Variants in KIAA0232 observed in about 807,000 individuals in gnomAD.
KIAA0232 encodes uncharacterized protein KIAA0232.
A neutral mutation model predicts 122.0 loss-of-function variants in KIAA0232; 27 were observed. That is an observed-to-expected ratio of 0.22 (90% CI 0.16 to 0.31). The LOEUF is 0.31. Among genes scored for constraint, KIAA0232 ranks in the 10% least tolerant of loss-of-function variants. The pLI is 1.00. For synonymous variants in KIAA0232, 613 were observed against 587.6 expected (o/e 1.04, Z -0.63); for missense variants, 1,551 against 1,634.2 (o/e 0.95, Z 0.88).
intron 1 of KIAA0232, among the ~76,000 whole-genome samples, chr4:6,791,586 C>T (rs1464446275): frequency 1.3e-5 from 2 of 152,056 alleles, no homozygotes; most frequent in African/African-American, 4.8e-5. Context: ...GCCTCTGCCT[C>T]CCAAAATGCT....
intron 4 of KIAA0232, among the ~76,000 whole-genome samples, chr4:6,854,866 G>A: frequency 6.6e-6 from 1 of 152,036 alleles, no homozygotes; most frequent in East Asian, 1.9e-4. Context: ...TGGCCTTATG[G>A]ATATGCTATG....
In KIAA0232 at chr4:6,862,548, A is replaced by C. The variant is rs1461141130; in HGVS notation, c.2166A>C (p.Ser722=). The C allele has an allele frequency of 1.2e-6, 2 of 1,613,566 alleles. No individual in the cohort carries two copies. The highest frequency in any genetic ancestry group is 2.2e-5 in the South Asian group (2 of 90,846). Residue 722 remains serine (S), a synonymous_variant, in exon 7 of 10, where the codon TCA becomes TCC. Coordinates refer to ENST00000307659, the MANE Select transcript of KIAA0232 (RefSeq NM_014743.3). The part of the protein sequence containing the change: ...SPWSHSEETR[S]DNETLNIQFE... ...GGTCCCATTCAGAAGAAACACGTTC[A>C]GACAATGAAACATTAAATATTCAGT...
Position 6,855,876 on chromosome 4 carries a change from C to T in KIAA0232, c.370-1288C>T. On this transcript the variant is annotated intron_variant, in intron 4 of 9. Transcript: ENST00000307659. The surrounding 1 kb of genome is among the most constrained non-coding windows in gnomAD (Gnocchi z 4.3). ...AAGGAAATGGAATATAATTGCCGTCCTTGTCACACCTTGAGCATTATGGTA... is the reference window on the plus strand; with the variant it reads ...AAGGAAATGGAATATAATTGCCGTCTTTGTCACACCTTGAGCATTATGGTA... 3 of 985,092 alleles carry T rather than the reference C, an allele frequency of 3.0e-6. No homozygotes were observed. Among genetic ancestry groups the T allele is most frequent in the Non-Finnish European group, 2.4e-6 (2 of 829,618 alleles). 61.0% of individuals were successfully genotyped at this position (985,092 alleles called of 1,614,324 possible). A position where few individuals can be genotyped will look rare whatever the true frequency, so the allele number is the denominator to read the frequency against.
At chr4:6,833,630 C>CA (rs1055187716) in intron 3 of KIAA0232, among the ~76,000 whole-genome samples, 6 of 147,232 alleles carry the variant, frequency 4.1e-5, no homozygotes, top group Admixed American at 2.0e-4. Flanking sequence ...GACTGCATCT[C>CA]AAAAAAAGGA....
chr4:6,844,393 C>T (rs1167678470), intron 4 of KIAA0232, among the ~76,000 whole-genome samples: 1 of 151,998 alleles, frequency 6.6e-6, no homozygotes, highest in Non-Finnish European at 1.5e-5. Context: ...GTTTTCTTCT[C>T]CCCCACCTCT....
intron 2 of KIAA0232, among the ~76,000 whole-genome samples, chr4:6,814,408 T>A (rs1184353127): frequency 6.6e-6 from 1 of 151,804 alleles, no homozygotes; most frequent in East Asian, 1.9e-4. Context: ...AGTAAAGAAA[T>A]TGAGTATTTT....
intron 3 of KIAA0232, among the ~76,000 whole-genome samples, chr4:6,839,127 GAAATA>G (rs1719506657): frequency 6.6e-6 from 1 of 152,096 alleles, no homozygotes. Flanking sequence ...CTCTGTCTCA[GAAATA>G]AAATAAATAA....
intron 1 of KIAA0232, among the ~76,000 whole-genome samples, chr4:6,787,105 C>T (rs540407987): frequency 6.8e-5 from 10 of 147,744 alleles, no homozygotes; most frequent in Non-Finnish European, 1.0e-4. Context: ...CTCTTGAACC[C>T]GGGAGGTGGA....
intron 1 of KIAA0232, among the ~76,000 whole-genome samples, chr4:6,789,781 C>G (rs1716805770): frequency 6.6e-6 from 1 of 152,168 alleles, no homozygotes; most frequent in Admixed American, 6.5e-5. Context: ...AATTCCAGCA[C>G]TTTGGGAAAG....
In KIAA0232 at chr4:6,855,523, AAT is replaced by A. The variant is rs1720525559; in HGVS notation, c.370-1636_370-1635del. On this transcript the variant is annotated intron_variant, in intron 4 of 9. Coordinates refer to ENST00000307659, the MANE Select transcript of KIAA0232 (RefSeq NM_014743.3). The surrounding 1 kb of genome is among the most constrained non-coding windows in gnomAD (Gnocchi z 4.3). ...GCTGTTTAAACATGAGAGCAAAAAA[AAT>A]ATATGTTTATATATGACAGCAAATA... is the stretch of plus-strand genomic sequence containing the variant. Among the ~76,000 whole-genome samples, 1 of 152,210 alleles carries A rather than the reference AAT, an allele frequency of 6.6e-6. No individual in the cohort carries two copies. The highest frequency in any genetic ancestry group is 2.4e-5 in the African/African-American group (1 of 41,446).
intron 8 of KIAA0232, among the ~76,000 whole-genome samples, chr4:6,875,596 C>T (rs1448700367): frequency 6.6e-6 from 1 of 152,220 alleles, no homozygotes. Flanking sequence ...GCAGCAGTCA[C>T]TTGCTCCAGC....
At chr4:6,831,972 C>CT (rs935008258) in intron 3 of KIAA0232, among the ~76,000 whole-genome samples, 3 of 152,260 alleles carry the variant, frequency 2.0e-5, no homozygotes, top group Admixed American at 1.3e-4. Context: ...CTACCTTTCC[C>CT]TTGGCACTCA....
At chr4:6,825,129 TAGTC>T (rs762255214) in intron 3 of KIAA0232, among the ~76,000 whole-genome samples, 5 of 152,382 alleles carry the variant, frequency 3.3e-5, no homozygotes, top group South Asian at 4.1e-4. Flanking sequence ...ATCTGCTTAT[TAGTC>T]AGTATGTATG....
chr4:6,784,230 A>G (rs919660789), intron 1 of KIAA0232, among the ~76,000 whole-genome samples: 6 of 152,060 alleles, frequency 3.9e-5, no homozygotes, highest in Admixed American at 1.3e-4. Context: ...AGTTCCTAAG[A>G]AGGGATTTTA....
At chr4:6,814,094 G>A (rs1164457374) in intron 2 of KIAA0232, among the ~76,000 whole-genome samples, 1 of 152,178 alleles carries the variant, frequency 6.6e-6, no homozygotes, top group East Asian at 1.9e-4. Flanking sequence ...GCAAGTATAT[G>A]TATGTGCTGA....
chr4:6,841,870 C>T (rs796977134), intron 3 of KIAA0232, among the ~76,000 whole-genome samples, 197 bp from the exon 4 acceptor site: 1 of 152,208 alleles, frequency 6.6e-6, no homozygotes, highest in South Asian at 2.1e-4. Context: ...GATGGCAGTA[C>T]ACCCCAAGTT....
chr4:6,837,351 C>T lies in KIAA0232; in HGVS notation c.232-4716C>T, dbSNP rs879510776. 6.6e-4 allele frequency among the ~76,000 whole-genome samples: 95 copies of T among 144,580 alleles called. 1 individual carries two copies. The highest frequency in any genetic ancestry group is 2.2e-3 in the African/African-American group (84 of 38,268). The allele number at this position is 144,580 out of a possible 152,430, so 94.9% of individuals were successfully genotyped here. On this transcript the variant is annotated intron_variant, in intron 3 of 9. Transcript: ENST00000307659. The stretch of plus-strand genomic sequence containing the variant: ...GCAGAGGTGCTCCCCACATCCCAGA[C>T]GATGGGCGGCCGGGCAGAGAGGCTC...
At chr4:6,798,515 T>G (rs1264526580) in intron 1 of KIAA0232, among the ~76,000 whole-genome samples, 1 of 152,194 alleles carries the variant, frequency 6.6e-6, no homozygotes, top group Non-Finnish European at 1.5e-5. Flanking sequence ...AAATATGTCA[T>G]GCTTCTGATG....
Position 6,880,902 on chromosome 4 carries a change from C to G in KIAA0232, c.4124C>G (p.Ser1375Ter). Residue 1375 changes from serine to a stop codon, truncating the protein, a stop_gained, in exon 10 of 10, where the codon TCA (serine) becomes TGA (stop). Coordinates refer to ENST00000307659, the MANE Select transcript of KIAA0232 (RefSeq NM_014743.3). LOFTEE classifies it high-confidence loss of function. Reference sequence around the variant, plus strand: ...AGCTCCACCTCGGAAGAGACAGGCTCAGAAGGCGGAGGCGAGTGGGTGGGC... The same window carrying G: ...AGCTCCACCTCGGAAGAGACAGGCTGAGAAGGCGGAGGCGAGTGGGTGGGC... ...SASSTSEETG[S>*]EGGGEWVGPS... 1.2e-6 allele frequency: 2 copies of G among 1,607,366 alleles called. No individual in the cohort carries two copies. Among genetic ancestry groups the G allele is most frequent in the Non-Finnish European group, 1.7e-6 (2 of 1,176,646 alleles).
Sources: allele counts gnomAD v4.1 joint callset (sites outside exome capture counted in the v4.1 genomes callset), GRCh38; gene constraint gnomAD v4.1.1; non-coding constraint Gnocchi (gnomAD v3.1); transcripts MANE v1.5; gene names NCBI Gene and HGNC (gene_info 2026-07-23, HGNC 2026-07-21).